DNM3: variants seen among roughly 807,000 people sequenced by gnomAD.
DNM3 encodes the protein dynamin 3.
A neutral mutation model predicts 101.6 loss-of-function variants in DNM3; 47 were observed. That is an observed-to-expected ratio of 0.46 (90% CI 0.37 to 0.59). DNM3 has a LOEUF of 0.59. DNM3 is among the 20% of genes least tolerant of loss of function. DNM3 has a pLI of 0.00. For synonymous variants in DNM3, 385 were observed against 387.9 expected, an observed-to-expected ratio of 0.99 and a Z score of 0.09; for missense variants, 849 against 1,085.7, an observed-to-expected ratio of 0.78 and a Z score of 3.06.
At chr1:172,321,767 A>G (rs567859247) in intron 16 of DNM3, among the ~76,000 whole-genome samples, 1 of 152,294 alleles carries the variant, frequency 6.6e-6, no homozygotes, top group East Asian at 1.9e-4. Context: ...ACTGCTGTGG[A>G]ATGCAATAAA....
chr1:172,097,740 A>AC (rs2054341312), intron 13 of DNM3, among the ~76,000 whole-genome samples: 1 of 152,054 alleles, frequency 6.6e-6, no homozygotes, highest in Non-Finnish European at 1.5e-5. Context: ...GGCAAAATTC[A>AC]CCCCCAATAT....
intron 1 of DNM3, among the ~76,000 whole-genome samples, chr1:171,882,060 C>T (rs891921748): frequency 6.6e-6 from 1 of 151,928 alleles, no homozygotes; most frequent in South Asian, 2.1e-4. Flanking sequence ...TTAAAACCCT[C>T]TTGTGGCCGG....
chr1:172,103,034 G>C (rs1269842631), intron 13 of DNM3, among the ~76,000 whole-genome samples: 2 of 152,042 alleles, frequency 1.3e-5, no homozygotes, highest in Non-Finnish European at 2.9e-5. Flanking sequence ...TAATTTTCAA[G>C]TTAAACAATA....
intron 14 of DNM3, chr1:172,137,746 A>G (rs935122447): frequency 6.6e-6 from 1 of 152,202 alleles, no homozygotes; most frequent in Non-Finnish European, 1.5e-5. Flanking sequence ...AAGCTAAAAC[A>G]TGTTAATGAA....
intron 13 of DNM3, among the ~76,000 whole-genome samples, chr1:172,109,890 TA>T (rs990533711): frequency 5.3e-5 from 8 of 152,200 alleles, no homozygotes; most frequent in African/African-American, 1.9e-4. Context: ...TATGGGTAAT[TA>T]AAATCCACAA....
chr1:172,412,833 A>G, downstream of DNM3: 1 of 787,028 alleles, frequency 1.3e-6, no homozygotes, highest in Non-Finnish European at 1.5e-6. Flanking sequence ...TACCAAAGTA[A>G]AGAATGATAG....
intron 1 of DNM3, among the ~76,000 whole-genome samples, chr1:171,866,628 A>G (rs961154515): frequency 7.2e-5 from 11 of 152,146 alleles, no homozygotes; most frequent in African/African-American, 2.7e-4. Context: ...TGCTTCCTCT[A>G]TAAAGCTTTC....
intron 2 of DNM3, among the ~76,000 whole-genome samples, chr1:171,940,437 C>G (rs1400602249): frequency 6.6e-6 from 1 of 152,164 alleles, no homozygotes; most frequent in South Asian, 2.1e-4. Context: ...TTTCCTGTTA[C>G]TCTCATCTTG....
At chr1:171,932,831 GACA>G (rs2041132960) in intron 2 of DNM3, among the ~76,000 whole-genome samples, 3 of 152,170 alleles carry the variant, frequency 2.0e-5, no homozygotes, top group Admixed American at 2.0e-4. Flanking sequence ...TGAGAAAAGA[GACA>G]TTGACTAGAA....
chr1:171,896,148 T>G (rs1164366120), intron 1 of DNM3, among the ~76,000 whole-genome samples: 9 of 152,212 alleles, frequency 5.9e-5, no homozygotes, highest in Admixed American at 5.2e-4. Context: ...ATATGAACTT[T>G]AAAGTAGTTT....
intron 17 of DNM3, among the ~76,000 whole-genome samples, chr1:172,356,942 A>G (rs1028614959): frequency 6.6e-6 from 1 of 152,114 alleles, no homozygotes; most frequent in Non-Finnish European, 1.5e-5. Context: ...TATGTGAAAA[A>G]GATACAAGAG....
intron 1 of DNM3, among the ~76,000 whole-genome samples, chr1:171,910,450 G>T (rs768411725): frequency 1.3e-5 from 2 of 152,162 alleles, no homozygotes; most frequent in African/African-American, 2.4e-5. Flanking sequence ...TAGTATTATA[G>T]AGTCAGGTAC....
rs1232208949 is a variant in DNM3, at chr1:171,875,821, T to TTTTTTTTTTC, written c.161+34012_161+34013insTCTTTTTTTT. Among the ~76,000 whole-genome samples, 4 of 138,052 alleles carry TTTTTTTTTTC rather than the reference T, an allele frequency of 2.9e-5. No homozygotes were observed. In the East Asian group the frequency reaches 8.4e-4, roughly 29 times the overall value. The allele number at this position is 138,052 out of a possible 152,430, so 90.6% of individuals were successfully genotyped here. ...AAAAAAGAGTTGTCTCTCTTTTTTT[T>TTTTTTTTTTC]TTTTTTTTGAGATGGAGTATCGTTC... is the stretch of plus-strand genomic sequence containing the variant. On this transcript the variant is annotated intron_variant, in intron 1 of 20. Transcript: ENST00000627582.
intron 4 of DNM3, among the ~76,000 whole-genome samples, chr1:172,026,198 A>G (rs1261205361): frequency 6.6e-6 from 1 of 152,116 alleles, no homozygotes; most frequent in African/African-American, 2.4e-5. Context: ...AAGCGGAAGA[A>G]AGGATATCAG....
chr1:172,028,403 A>T (rs547143628), intron 4 of DNM3, among the ~76,000 whole-genome samples: 5 of 152,180 alleles, frequency 3.3e-5, no homozygotes, highest in Non-Finnish European at 5.9e-5. Flanking sequence ...GAATCTCTGG[A>T]ACACAGCTAA....
intron 2 of DNM3, among the ~76,000 whole-genome samples, chr1:171,928,451 G>A (rs2040750613): frequency 6.6e-6 from 1 of 152,086 alleles, no homozygotes; most frequent in Non-Finnish European, 1.5e-5. Flanking sequence ...CCAGAGAGAT[G>A]CAGGTCAGCA....
intron 14 of DNM3, among the ~76,000 whole-genome samples, chr1:172,212,052 G>A (rs2060532011): frequency 6.6e-6 from 1 of 152,102 alleles, no homozygotes; most frequent in Admixed American, 6.6e-5. Flanking sequence ...CTAATAGGCA[G>A]TAATTTGGTT....
intron 15 of DNM3, among the ~76,000 whole-genome samples, chr1:172,268,879 C>T (rs769650261): frequency 2.0e-5 from 3 of 152,100 alleles, no homozygotes; most frequent in Non-Finnish European, 2.9e-5. Context: ...TGCTTTTCAA[C>T]GTTTTTAAAT....
At chr1:172,175,005 T>C (rs1041666295) in intron 14 of DNM3, among the ~76,000 whole-genome samples, 2 of 151,692 alleles carry the variant, frequency 1.3e-5, no homozygotes, top group South Asian at 2.1e-4. Context: ...TTATTTCATA[T>C]GGAGTAAATT....
Sources: allele counts gnomAD v4.1 joint callset (sites outside exome capture counted in the v4.1 genomes callset), GRCh38; gene constraint gnomAD v4.1.1; transcripts MANE v1.5; gene names NCBI Gene and HGNC (gene_info 2026-07-23, HGNC 2026-07-21).